NTN4: variants seen among roughly 807,000 people sequenced by gnomAD.
NTN4 encodes netrin-4.
NTN4 carries 32 observed loss-of-function variants against 73.6 expected under a neutral mutation model. That is an observed-to-expected ratio of 0.44 (90% CI 0.33 to 0.58). The LOEUF is 0.58. NTN4 is among the 20% of genes least tolerant of loss of function. The probability of loss-of-function intolerance (pLI) is 0.04; values close to 1 mark genes in which losing one functional copy is unlikely to be tolerated. For synonymous variants in NTN4, 258 were observed against 287.5 expected, an observed-to-expected ratio of 0.90 and a Z score of 1.04; for missense variants, 654 against 798.3, an observed-to-expected ratio of 0.82 and a Z score of 2.18.
In NTN4 at chr12:95,790,417, G is replaced by A. The variant is rs2079200373; in HGVS notation, c.-108C>T. 2 of 963,678 alleles carry A rather than the reference G, an allele frequency of 2.1e-6. No homozygotes were observed. Among genetic ancestry groups the A allele is most frequent in the Non-Finnish European group, 2.9e-6 (2 of 693,588 alleles). The allele number at this position is 963,678 out of a possible 1,614,324, so 59.7% of individuals were successfully genotyped here. On this transcript the variant is annotated 5_prime_UTR_variant, in exon 1 of 10. Transcript: ENST00000343702. This position sits in a 1 kb window ranked among gnomAD's most constrained non-coding sequence, Gnocchi z 6.5. Reference sequence around the variant, plus strand: ...GTCCTCGGGAGGGAACGGGGCCCTGGTTTCTTCCTCCTCCTGGGGCGCCGG... The same window carrying A: ...GTCCTCGGGAGGGAACGGGGCCCTGATTTCTTCCTCCTCCTGGGGCGCCGG...
chr12:95,681,176 G>T (rs1388044351), intron 7 of NTN4, among the ~76,000 whole-genome samples: 1 of 124,882 alleles, frequency 8.0e-6, no homozygotes, highest in African/African-American at 3.2e-5. Context: ...GCAACAGAGT[G>T]AGACTTTGTC....
At chr12:95,729,241 T>C (rs964259188) in intron 3 of NTN4, among the ~76,000 whole-genome samples, 2 of 151,354 alleles carry the variant, frequency 1.3e-5, no homozygotes, top group Non-Finnish European at 2.9e-5. Flanking sequence ...ATAACAAATA[T>C]AATAATTTTT....
At chr12:95,778,282 G>A (rs1279943146) in intron 2 of NTN4, among the ~76,000 whole-genome samples, 1 of 152,072 alleles carries the variant, frequency 6.6e-6, no homozygotes, top group African/African-American at 2.4e-5. Context: ...ACATTCAAAA[G>A]CTAGCAGAAG....
At chr12:95,778,361 A>G (rs2079109141) in intron 2 of NTN4, among the ~76,000 whole-genome samples, 2 of 152,204 alleles carry the variant, frequency 1.3e-5, no homozygotes, top group East Asian at 3.9e-4. Context: ...CAAAAAATCA[A>G]TGAATCCAGG....
Position 95,789,146 on chromosome 12 carries a change from T to C in NTN4, c.55+1109A>G, listed in dbSNP as rs2079189734. The stretch of plus-strand genomic sequence containing the variant: ...TAAAGAATCCATGGGGCAAAATACT[T>C]GGAGTCACTCAAGGGACTATTCAAT... On this transcript the variant is annotated intron_variant, in intron 1 of 9. Transcript: ENST00000343702. The surrounding 1 kb of genome is among the most constrained non-coding windows in gnomAD (Gnocchi z 4.0). Among the ~76,000 whole-genome samples the C allele has an allele frequency of 6.6e-6, 1 of 152,186 alleles. No homozygotes were observed. Among genetic ancestry groups the C allele is most frequent in the African/African-American group, 2.4e-5 (1 of 41,440 alleles).
At position 95,682,776 on chromosome 12, in the gene NTN4, C is replaced by A. The variant is rs772826853; in HGVS notation, c.1441G>T (p.Val481Leu). ...CAGGCTGGTTCGCTCTTATTGTGCA[C>A]GGGACGGAAGTCAGGAACTTCATGA... ...WYHEVPDFRP[V>L]HNKSEPAWEW... Residue 481 changes from valine (V) to leucine (L), a missense_variant, in exon 7 of 10, where the codon GTG (valine) becomes TTG (leucine). Physicochemically the swap from Val to Leu is conservative, Grantham distance 32 (BLOSUM62 1). Coordinates refer to ENST00000343702, the MANE Select transcript of NTN4 (RefSeq NM_021229.4). 7.4e-6 allele frequency: 12 copies of A among 1,613,740 alleles called. No individual in the cohort carries two copies. Among genetic ancestry groups the A allele is most frequent in the Non-Finnish European group, 9.3e-6 (11 of 1,179,812 alleles).
At chr12:95,681,470 A>G (rs1384345044) in intron 7 of NTN4, among the ~76,000 whole-genome samples, 1 of 152,196 alleles carries the variant, frequency 6.6e-6, no homozygotes, top group African/African-American at 2.4e-5. Flanking sequence ...TCATTGCATA[A>G]CATTTTTACT....
chr12:95,672,431 A>G (rs1592655095), intron 7 of NTN4: 1 of 1,291,584 alleles, frequency 7.7e-7, no homozygotes, highest in South Asian at 1.2e-5. Flanking sequence ...GCAGGCGGGC[A>G]GGCGCTGCTA....
At chr12:95,664,945 C>T (rs4762233) in intron 9 of NTN4, among the ~76,000 whole-genome samples, 61,127 of 151,550 alleles carry the variant, frequency 0.4, 12,516 homozygotes, top group Admixed American at 0.47. Flanking sequence ...TCATCAGTGC[C>T]GCTAAGACAC....
intron 4 of NTN4, 98 bp from the exon 5 acceptor site, chr12:95,710,727 G>C: frequency 8.6e-7 from 1 of 1,161,868 alleles, no homozygotes; most frequent in Non-Finnish European, 1.2e-6. Flanking sequence ...AGTTGGCCAG[G>C]CGTGGTAGCT....
At position 95,665,959 on chromosome 12, in the gene NTN4, G is replaced by A; in HGVS notation, c.1601C>T (p.Ser534Leu). ...YSYVLKIKIL[S>L]AHDKGTHVEV... Reference sequence around the variant, plus strand: ...AACATGAGTACCTTTATCATGAGCTGATAAAATCTTTATTTTTAGCACTGT... The same window carrying A: ...AACATGAGTACCTTTATCATGAGCTAATAAAATCTTTATTTTTAGCACTGT... The change falls in exon 9 of 10, where the codon TCA becomes TTA. Residue 534 changes from serine to leucine, a missense_variant. Transcript: ENST00000343702. 1 of 1,609,818 alleles carries A rather than the reference G, an allele frequency of 6.2e-7. No individual in the cohort carries two copies. The highest frequency in any genetic ancestry group is 8.5e-7 in the Non-Finnish European group (1 of 1,178,108).
In NTN4 at chr12:95,762,964, G is replaced by A. The variant is rs753972866; in HGVS notation, c.585+23975C>T. Among the ~76,000 whole-genome samples, 4 of 152,116 alleles carry A rather than the reference G, an allele frequency of 2.6e-5. 1 individual carries two copies. The highest frequency in any genetic ancestry group is 4.1e-4 in the South Asian group (2 of 4,828). On this transcript the variant is annotated intron_variant, in intron 2 of 9. Coordinates refer to ENST00000343702, the MANE Select transcript of NTN4 (RefSeq NM_021229.4). The stretch of plus-strand genomic sequence containing the variant: ...TGCAAATGTGGCTCATATAAATTCC[G>A]ACTGTGTCTCTCATCATCAGTGTCA...
chr12:95,663,056 G>T (rs2078150810), intron 9 of NTN4, among the ~76,000 whole-genome samples: 1 of 152,004 alleles, frequency 6.6e-6, no homozygotes, highest in Non-Finnish European at 1.5e-5. Context: ...GGAGGTCGAG[G>T]CTGCAGTGAG....
At chr12:95,723,392 A>G (rs755119353) in intron 3 of NTN4, among the ~76,000 whole-genome samples, 1 of 152,154 alleles carries the variant, frequency 6.6e-6, no homozygotes, top group African/African-American at 2.4e-5. Context: ...TGTAAGTTGT[A>G]GGAAATGATT....
chr12:95,779,275 T>C (rs60393458), intron 2 of NTN4, among the ~76,000 whole-genome samples: 44,370 of 152,046 alleles, frequency 0.29, 7,013 homozygotes, highest in South Asian at 0.4. Context: ...CTCTCACCAC[T>C]CCTATTCAAC....
rs906064946 is a variant in NTN4 at position 95,781,229 on chromosome 12, C to G, written c.585+5710G>C. ...ATGACGAGTTAATGGGTGCAGCACACCAGCATGGCACATGTATACATATGT... is the reference window on the plus strand; with the variant it reads ...ATGACGAGTTAATGGGTGCAGCACAGCAGCATGGCACATGTATACATATGT... On this transcript the variant is annotated intron_variant, in intron 2 of 9. Coordinates refer to ENST00000343702, the MANE Select transcript of NTN4 (RefSeq NM_021229.4). This position sits in a 1 kb window ranked among gnomAD's most constrained non-coding sequence, Gnocchi z 4.1. Among the ~76,000 whole-genome samples the G allele has an allele frequency of 6.6e-6, 1 of 152,108 alleles. No homozygotes were observed. Among genetic ancestry groups the G allele is most frequent in the African/African-American group, 2.4e-5 (1 of 41,404 alleles).
intron 2 of NTN4, among the ~76,000 whole-genome samples, chr12:95,744,463 T>A (rs2078847569): frequency 6.6e-6 from 1 of 152,226 alleles, no homozygotes; most frequent in African/African-American, 2.4e-5. Context: ...TTATAATCTA[T>A]GCCTTTAATG....
At chr12:95,786,573 AT>A in intron 2 of NTN4, among the ~76,000 whole-genome samples, 1 of 152,170 alleles carries the variant, frequency 6.6e-6, no homozygotes, top group Admixed American at 6.5e-5. Context: ...TATCAGGAAG[AT>A]ACCCGTGTGG....
At chr12:95,670,193 G>C in intron 7 of NTN4, 47 bp from the exon 8 acceptor site, 1 of 1,197,090 alleles carries the variant, frequency 8.4e-7, no homozygotes, top group Non-Finnish European at 1.2e-6. Flanking sequence ...GAAAAGCAAA[G>C]AAAGAAAAAA....
Sources: gnomAD v4.1 joint callset for allele counts (sites outside exome capture counted in the v4.1 genomes callset) on GRCh38, gnomAD v4.1.1 for gene constraint, Gnocchi (gnomAD v3.1) non-coding constraint, MANE v1.5 for transcripts, NCBI Gene and HGNC (gene_info 2026-07-23, HGNC 2026-07-21) for gene names.